The following ADAMTS19 variants were observed in gnomAD, a reference collection of about 807,000 sequenced individuals.
The protein encoded by ADAMTS19 is ADAM metallopeptidase with thrombospondin type 1 motif 19.
Under a neutral mutation model 153.3 loss-of-function variants are expected in ADAMTS19, and 93 were observed. That is an observed-to-expected ratio of 0.61 (90% confidence interval 0.51 to 0.72). ADAMTS19 has a LOEUF of 0.72. ADAMTS19 is among the 30% of genes least tolerant of loss of function. The probability of loss-of-function intolerance (pLI) is 0.00; values close to 1 mark genes in which losing one functional copy is unlikely to be tolerated. For missense variants in ADAMTS19, 1,482 were observed against 1,552.1 expected (o/e 0.95, Z 0.76); for synonymous variants, 600 against 556.6 (o/e 1.08, Z -1.10).
At chr5:129,553,849 G>T (rs1753220359) in intron 7 of ADAMTS19, among the ~76,000 whole-genome samples, 1 of 152,084 alleles carries the variant, frequency 6.6e-6, no homozygotes, top group African/African-American at 2.4e-5. Flanking sequence ...AAACCTTCTT[G>T]TCACACTACC....
rs200074298 is a variant in ADAMTS19, at chr5:129,639,040, AT to A, written c.1771-2814del. On this transcript the variant is annotated intron_variant, in intron 10 of 22. Coordinates refer to ENST00000274487, the MANE Select transcript of ADAMTS19 (RefSeq NM_133638.6). ...AAGCATAACAAAGGAATATCGTATT[AT>A]TTTTATTAGTTTGCGAGAAAATGCT... is the stretch of plus-strand genomic sequence containing the variant. 3.5e-3 allele frequency among the ~76,000 whole-genome samples: 532 copies of A among 152,318 alleles called. 13 individuals are homozygous for A. Among genetic ancestry groups the A allele is most frequent in the Admixed American group, 0.026 (399 of 15,308 alleles).
At chr5:129,537,088 A>G (rs1270592759) in intron 6 of ADAMTS19, among the ~76,000 whole-genome samples, 1 of 152,050 alleles carries the variant, frequency 6.6e-6, no homozygotes, top group African/African-American at 2.4e-5. Context: ...AAAAAGAAAA[A>G]AACAACCCCA....
chr5:129,463,077 G>A (rs1749740670), intron 2 of ADAMTS19, among the ~76,000 whole-genome samples: 1 of 152,204 alleles, frequency 6.6e-6, no homozygotes, highest in Non-Finnish European at 1.5e-5. Flanking sequence ...AAAATTACAT[G>A]AGAAGCTTTT....
At chr5:129,642,223 A>T (rs1752823352) in intron 11 of ADAMTS19, among the ~76,000 whole-genome samples, 1 of 151,922 alleles carries the variant, frequency 6.6e-6, no homozygotes, top group African/African-American at 2.4e-5. Context: ...TATATGCATT[A>T]ATATAGCAAA....
intron 10 of ADAMTS19, among the ~76,000 whole-genome samples, chr5:129,624,813 AT>A (rs1310409701): frequency 1.3e-5 from 2 of 152,092 alleles, no homozygotes; most frequent in African/African-American, 4.8e-5. Context: ...TTAATTATTT[AT>A]TTTATGATGT....
intron 2 of ADAMTS19, among the ~76,000 whole-genome samples, chr5:129,479,163 G>T (rs970974152): frequency 2.0e-5 from 3 of 152,100 alleles, no homozygotes; most frequent in Non-Finnish European, 2.9e-5. Context: ...GTGTATGTTT[G>T]TATATGTCAT....
chr5:129,727,663 G>T (rs1757262992), intron 21 of ADAMTS19, among the ~76,000 whole-genome samples: 1 of 152,134 alleles, frequency 6.6e-6, no homozygotes, highest in Admixed American at 6.6e-5. Context: ...GTGAATTTAT[G>T]TGAGCCTCTA....
At chr5:129,656,984 T>G (rs1753575041) in intron 14 of ADAMTS19, among the ~76,000 whole-genome samples, 1 of 152,220 alleles carries the variant, frequency 6.6e-6, no homozygotes, top group Non-Finnish European at 1.5e-5. Flanking sequence ...CATTGGAACA[T>G]GGAAAGACTT....
At chr5:129,684,916 G>C (rs1321191064) in intron 18 of ADAMTS19, among the ~76,000 whole-genome samples, 1 of 151,678 alleles carries the variant, frequency 6.6e-6, no homozygotes, top group African/African-American at 2.4e-5. Flanking sequence ...GAACCTGGGA[G>C]ACGGGGCTTG....
intron 15 of ADAMTS19, among the ~76,000 whole-genome samples, chr5:129,663,716 C>T (rs1294970822): frequency 2.0e-5 from 3 of 152,154 alleles, no homozygotes; most frequent in Non-Finnish European, 4.4e-5. Flanking sequence ...TCTTGGATAT[C>T]ACTGTTAGTC....
chr5:129,722,009 C>G (rs1479026336), intron 21 of ADAMTS19, among the ~76,000 whole-genome samples: 2 of 152,176 alleles, frequency 1.3e-5, no homozygotes, highest in African/African-American at 4.8e-5. Context: ...CACTGATACA[C>G]ATTTGGGTTG....
At chr5:129,463,158 G>T (rs575492257) in intron 2 of ADAMTS19, among the ~76,000 whole-genome samples, 2 of 152,292 alleles carry the variant, frequency 1.3e-5, no homozygotes, top group South Asian at 2.1e-4. Context: ...AGATTTCATT[G>T]TCCACTAGCT....
At chr5:129,674,174 T>C (rs763548482) in intron 16 of ADAMTS19, among the ~76,000 whole-genome samples, 1 of 151,574 alleles carries the variant, frequency 6.6e-6, no homozygotes, top group Non-Finnish European at 1.5e-5. Flanking sequence ...GAGGTTGCAA[T>C]GAACTGAGAT....
chr5:129,716,272 ACTGCATGCCTCTGCCTC>A (rs1382239322), intron 21 of ADAMTS19, among the ~76,000 whole-genome samples: 3 of 151,998 alleles, frequency 2.0e-5, no homozygotes, highest in Non-Finnish European at 2.9e-5. Context: ...ATCTCAGCTC[ACTGCATGCCTCTGCCTC>A]CTGGGCTCAA....
chr5:129,641,481 T>C (rs1186703324), intron 10 of ADAMTS19, among the ~76,000 whole-genome samples: 1 of 152,158 alleles, frequency 6.6e-6, no homozygotes, highest in Non-Finnish European at 1.5e-5. Flanking sequence ...CAGCAGACAC[T>C]GAATTTATAA....
intron 21 of ADAMTS19, among the ~76,000 whole-genome samples, chr5:129,719,471 G>T (rs1756879138): frequency 6.6e-6 from 1 of 152,124 alleles, no homozygotes; most frequent in Non-Finnish European, 1.5e-5. Context: ...ATGAAAGGTA[G>T]AAACTAACAT....
At chr5:129,729,984 A>C (rs2127217242) in intron 21 of ADAMTS19, among the ~76,000 whole-genome samples, 1 of 152,164 alleles carries the variant, frequency 6.6e-6, no homozygotes, top group Non-Finnish European at 1.5e-5. Flanking sequence ...TGGTTTCTCA[A>C]ATATTGTGAT....
intron 13 of ADAMTS19, among the ~76,000 whole-genome samples, chr5:129,653,048 C>A (rs989575062): frequency 3.3e-5 from 5 of 152,122 alleles, no homozygotes; most frequent in Admixed American, 2.0e-4. Flanking sequence ...ATTCAGAAGC[C>A]ACATGTGAAA....
chr5:129,516,139 C>T (rs996473979), intron 3 of ADAMTS19, among the ~76,000 whole-genome samples: 1 of 151,772 alleles, frequency 6.6e-6, no homozygotes, highest in Non-Finnish European at 1.5e-5. Context: ...TATTTTCCAA[C>T]TTGTCATGAT....
Sources: gnomAD v4.1 joint callset for allele counts (sites outside exome capture counted in the v4.1 genomes callset) on GRCh38, gnomAD v4.1.1 for gene constraint, MANE v1.5 for transcripts, NCBI Gene and HGNC (gene_info 2026-07-23, HGNC 2026-07-21) for gene names.